The following CDH4 variants were observed in gnomAD, a reference collection of about 807,000 sequenced individuals.
The protein encoded by CDH4 is cadherin 4.
Under a neutral mutation model 86.0 loss-of-function variants are expected in CDH4, and 33 were observed. That is an observed-to-expected ratio of 0.38 (90% CI 0.29 to 0.51). The LOEUF (loss-of-function observed/expected upper bound fraction) is 0.51. Ranked by LOEUF, CDH4 falls within the 20% of genes least tolerant of loss-of-function variation. CDH4 has a pLI of 0.86. For synonymous variants in CDH4, 555 were observed against 549.4 expected (o/e 1.01, Z -0.14); for missense variants, 1,114 against 1,307.4 (o/e 0.85, Z 2.28).
rs778427651 is a variant in CDH4, at chr20:61,319,649, A to G, written c.169+64712A>G. ...AGGGATATAAAGTTTCAATTATACA[A>G]GATGAATAAGTTCTGGCTGGGCACA... is the stretch of plus-strand genomic sequence containing the variant. On this transcript the variant is annotated intron_variant, in intron 2 of 15. Transcript: ENST00000614565. Among the ~76,000 whole-genome samples the G allele has an allele frequency of 4.6e-4, 70 of 152,176 alleles. 1 individual carries two copies. Among genetic ancestry groups the G allele is most frequent in the Non-Finnish European group, 1.3e-4 (9 of 68,026 alleles).
At chr20:61,352,690 T>TCCTC (rs2084719895) in intron 2 of CDH4, among the ~76,000 whole-genome samples, 1 of 152,218 alleles carries the variant, frequency 6.6e-6, no homozygotes, top group Non-Finnish European at 1.5e-5. Context: ...GGAGATGTTC[T>TCCTC]CTAGGGGGCC....
At chr20:61,746,180 G>A (rs1017507899) in intron 3 of CDH4, among the ~76,000 whole-genome samples, 1 of 152,062 alleles carries the variant, frequency 6.6e-6, no homozygotes, top group Non-Finnish European at 1.5e-5. Flanking sequence ...ACTTTCCTGA[G>A]TGATTATTAC....
At chr20:61,756,085 C>A (rs1450640491) in intron 3 of CDH4, among the ~76,000 whole-genome samples, 1 of 152,218 alleles carries the variant, frequency 6.6e-6, no homozygotes, top group African/African-American at 2.4e-5. Flanking sequence ...GCTCTCATGC[C>A]TTCTCCTCTG....
At position 61,565,299 on chromosome 20, in the gene CDH4, C is replaced by CGGTGCTCTTGGTGATGGTGGTGGT. The variant is rs1401552228; in HGVS notation, c.170-178251_170-178250insATGGTGGTGGTGGTGCTCTTGGTG. 6.0e-4 allele frequency among the ~76,000 whole-genome samples: 6 copies of CGGTGCTCTTGGTGATGGTGGTGGT among 10,042 alleles called. 1 individual carries two copies. The highest frequency in any genetic ancestry group is 4.2e-3 in the African/African-American group (6 of 1,432). 6.6% of individuals were successfully genotyped at this position (10,042 alleles called of 152,430 possible). On this transcript the variant is annotated intron_variant, in intron 2 of 15. Transcript: ENST00000614565. ...CTTGGTGATGGGGTGATGGTGGTGG[C>CGGTGCTCTTGGTGATGGTGGTGGT]GGTGCTCTTGGTGGTGGCGGTGCTC...
At chr20:61,541,455 C>A (rs1428122874) in intron 2 of CDH4, among the ~76,000 whole-genome samples, 2 of 152,218 alleles carry the variant, frequency 1.3e-5, no homozygotes, top group Admixed American at 6.5e-5. Flanking sequence ...AATTTTCTAT[C>A]TTAAAAATAT....
intron 2 of CDH4, among the ~76,000 whole-genome samples, chr20:61,666,873 C>T (rs567266179): frequency 6.6e-6 from 1 of 152,386 alleles, no homozygotes; most frequent in Admixed American, 6.5e-5. Context: ...CCAGCTTCCG[C>T]TTCCCCTGGG....
chr20:61,824,209 T>A (rs1049321559), intron 4 of CDH4, among the ~76,000 whole-genome samples: 4 of 152,136 alleles, frequency 2.6e-5, no homozygotes, highest in African/African-American at 4.8e-5. Flanking sequence ...CCATTCCCAT[T>A]GTCTCCATTG....
At chr20:61,872,382 G>A (rs904474344) in intron 6 of CDH4, among the ~76,000 whole-genome samples, 6 of 152,228 alleles carry the variant, frequency 3.9e-5, no homozygotes, top group African/African-American at 1.4e-4. Context: ...AGGTGGAGGA[G>A]AGGGAAGAAC....
chr20:61,639,140 G>A (rs919591730), intron 2 of CDH4, among the ~76,000 whole-genome samples: 27 of 152,240 alleles, frequency 1.8e-4, no homozygotes, highest in African/African-American at 6.5e-4. Flanking sequence ...CACAGTATCT[G>A]GCGACGGTTC....
intron 2 of CDH4, among the ~76,000 whole-genome samples, chr20:61,397,361 AG>A (rs1361553679): frequency 6.6e-6 from 1 of 152,142 alleles, no homozygotes; most frequent in Non-Finnish European, 1.5e-5. Context: ...GGTGGTGGCC[AG>A]GTCCCGAATT....
intron 2 of CDH4, among the ~76,000 whole-genome samples, chr20:61,303,741 T>C (rs1289929258): frequency 1.3e-5 from 2 of 152,182 alleles, no homozygotes; most frequent in Non-Finnish European, 1.5e-5. Flanking sequence ...GGCTGAGATA[T>C]GTGGAGCATC....
intron 2 of CDH4, among the ~76,000 whole-genome samples, chr20:61,595,597 G>GT (rs553918977): frequency 1.5e-3 from 234 of 152,288 alleles, no homozygotes; most frequent in Middle Eastern, 0.014. Flanking sequence ...CTTCTTTATT[G>GT]TTTTTTTAGA....
At chr20:61,256,614 G>T (rs1350566183) in intron 2 of CDH4, among the ~76,000 whole-genome samples, 1 of 152,178 alleles carries the variant, frequency 6.6e-6, no homozygotes, top group East Asian at 1.9e-4. Flanking sequence ...TTCGCCTCGT[G>T]GGGGGCCAAG....
chr20:61,774,671 CCTT>C (rs2088817048), intron 4 of CDH4, among the ~76,000 whole-genome samples: 1 of 119,866 alleles, frequency 8.3e-6, no homozygotes, highest in Non-Finnish European at 1.8e-5. Context: ...CTGATGCTCT[CCTT>C]CTGCCCCACC....
At chr20:61,889,963 A>G (rs1984737661) in intron 7 of CDH4, among the ~76,000 whole-genome samples, 1 of 143,742 alleles carries the variant, frequency 7.0e-6, no homozygotes, top group Admixed American at 6.9e-5. Context: ...TGGATGATGG[A>G]TGGATGGATG....
chr20:61,304,776 TGTG>T (rs1346861990), intron 2 of CDH4, among the ~76,000 whole-genome samples: 1 of 103,458 alleles, frequency 9.7e-6, no homozygotes, highest in East Asian at 2.3e-4. Context: ...TGTGTGGGGT[TGTG>T]TGTGTGTGTG....
chr20:61,722,880 G>A (rs1167908184), intron 2 of CDH4, among the ~76,000 whole-genome samples: 2 of 152,200 alleles, frequency 1.3e-5, no homozygotes, highest in East Asian at 1.9e-4. Context: ...CAAGAAGAGA[G>A]AAGACGTTCC....
At chr20:61,883,370 T>C (rs928680018) in intron 7 of CDH4, among the ~76,000 whole-genome samples, 1 of 152,210 alleles carries the variant, frequency 6.6e-6, no homozygotes, top group Non-Finnish European at 1.5e-5. Context: ...GGGCGACGTC[T>C]TTCTTGGGAC....
chr20:61,468,585 A>G lies in CDH4; in HGVS notation c.169+213648A>G, dbSNP rs566112163. ...TTCTTTTAGTTATTTTAAAATACACAATTAAATTATTGTTGACTACAGTCA... is the reference window on the plus strand; with the variant it reads ...TTCTTTTAGTTATTTTAAAATACACGATTAAATTATTGTTGACTACAGTCA... On this transcript the variant is annotated intron_variant, in intron 2 of 15. Coordinates refer to ENST00000614565, the MANE Select transcript of CDH4 (RefSeq NM_001794.5). 4.5e-4 allele frequency among the ~76,000 whole-genome samples: 69 copies of G among 152,250 alleles called. 1 individual carries two copies. In the South Asian group the frequency reaches 0.014, roughly 31 times the overall value.
Sources: allele counts gnomAD v4.1 joint callset (sites outside exome capture counted in the v4.1 genomes callset), GRCh38; gene constraint gnomAD v4.1.1; transcripts MANE v1.5; gene names NCBI Gene and HGNC (gene_info 2026-07-23, HGNC 2026-07-21).